IL16: variants seen among roughly 807,000 people sequenced by gnomAD.
IL16 encodes pro-interleukin-16.
A neutral mutation model predicts 110.1 loss-of-function variants in IL16; 67 were observed. The ratio of observed to expected loss-of-function variants is 0.61; its 90% CI spans 0.50 to 0.75. The LOEUF is 0.75. Ranked by LOEUF, IL16 falls within the 30% of genes least tolerant of loss-of-function variation. The pLI, the probability that IL16 is intolerant of heterozygous loss-of-function variation, is 0.00. For missense variants in IL16, 1,545 were observed against 1,655.0 expected (o/e 0.93, Z 1.15); for synonymous variants, 689 against 662.9 (o/e 1.04, Z -0.61).
chr15:81,270,339 C>T (rs918033376), intron 5 of IL16, among the ~76,000 whole-genome samples: 1 of 152,210 alleles, frequency 6.6e-6, no homozygotes, highest in South Asian at 2.1e-4. Flanking sequence ...CCAAGCAACC[C>T]AGGTGCTAAA....
chr15:81,265,885 C>T (rs148220843), intron 4 of IL16, 84 bp downstream of exon 4: 7 of 1,327,780 alleles, frequency 5.3e-6, no homozygotes, highest in Non-Finnish European at 7.2e-6. Flanking sequence ...GCTGAAGAGG[C>T]CTTCCCAGTA....
chr15:81,280,648 T>C (rs1899131832), intron 8 of IL16, among the ~76,000 whole-genome samples: 1 of 152,172 alleles, frequency 6.6e-6, no homozygotes, highest in Non-Finnish European at 1.5e-5. Flanking sequence ...GCTTGAGATA[T>C]ATTGTCGAAG....
intron 1 of IL16, among the ~76,000 whole-genome samples, chr15:81,209,802 C>T (rs546427523): frequency 5.9e-5 from 9 of 152,276 alleles, no homozygotes; most frequent in Non-Finnish European, 1.0e-4. Context: ...TGCACCCAGG[C>T]GTGACTCAGT....
At chr15:81,304,524 C>A (rs1900453229) in intron 16 of IL16, among the ~76,000 whole-genome samples, 1 of 152,214 alleles carries the variant, frequency 6.6e-6, no homozygotes, top group South Asian at 2.1e-4. Context: ...TTGAGCATTT[C>A]TCTTCCTTTC....
At position 81,233,873 on chromosome 15, in the gene IL16, T is replaced by C. The variant is rs558666747; in HGVS notation, c.312+8162T>C. On this transcript the variant is annotated intron_variant, in intron 2 of 18. Transcript: ENST00000683961. ...TCTCAATTATTTGCTGAAAGAAGCATGTTAAAGCCTCTCATTATTATTGTA... is the reference window on the plus strand; with the variant it reads ...TCTCAATTATTTGCTGAAAGAAGCACGTTAAAGCCTCTCATTATTATTGTA... Among the ~76,000 whole-genome samples the C allele has an allele frequency of 3.9e-5, 6 of 152,230 alleles. No individual in the cohort carries two copies. In the South Asian group the frequency reaches 8.3e-4, roughly 21 times the overall value.
intron 10 of IL16, among the ~76,000 whole-genome samples, chr15:81,287,903 G>T (rs1309130461): frequency 1.3e-5 from 2 of 152,216 alleles, no homozygotes; most frequent in Admixed American, 1.3e-4. Context: ...TACAAGAAAA[G>T]AAAGAGGTCC....
chr15:81,295,393 A>C (rs953609522), intron 12 of IL16: 2 of 1,261,240 alleles, frequency 1.6e-6, no homozygotes, highest in African/African-American at 3.1e-5. Flanking sequence ...TGAAAAGACA[A>C]AACACATTTG....
chr15:81,262,679 C>G (rs1190852716), intron 3 of IL16, among the ~76,000 whole-genome samples: 1 of 152,172 alleles, frequency 6.6e-6, no homozygotes, highest in African/African-American at 2.4e-5. Context: ...CGCCTGTAAT[C>G]CCAGCACTTT....
At chr15:81,220,564 A>C (rs1896579340) in intron 1 of IL16, among the ~76,000 whole-genome samples, 1 of 152,194 alleles carries the variant, frequency 6.6e-6, no homozygotes, top group Non-Finnish European at 1.5e-5. Flanking sequence ...AGAGTGACCA[A>C]ACTTTAAAAA....
intron 10 of IL16, among the ~76,000 whole-genome samples, chr15:81,288,050 C>T (rs1395879700): frequency 3.9e-5 from 6 of 152,206 alleles, no homozygotes; most frequent in Non-Finnish European, 8.8e-5. Context: ...GGGACACACA[C>T]AGAGAGGCCA....
rs2141663631 is a variant in IL16 at position 81,311,995 on chromosome 15, G to A, written c.*3197G>A. The A allele has an allele frequency of 6.6e-6, 1 of 152,322 alleles. No homozygotes were observed. Among genetic ancestry groups the A allele is most frequent in the South Asian group, 2.1e-4 (1 of 4,828 alleles). The allele number at this position is 152,322 out of a possible 1,614,324, so 9.4% of individuals were successfully genotyped here. Reference sequence around the variant, plus strand: ...AAATAGGGAAGTAACAGTAACGCAGGGGAAACGTTTTCTGTTTGGAGGAGC... The same window carrying A: ...AAATAGGGAAGTAACAGTAACGCAGAGGAAACGTTTTCTGTTTGGAGGAGC... On this transcript the variant is annotated 3_prime_UTR_variant, in exon 19 of 19. Transcript: ENST00000683961.
exon 1 of IL16, chr15:81,182,776 C>T: frequency 1.2e-6 from 1 of 807,074 alleles, no homozygotes; most frequent in South Asian, 1.4e-5. Flanking sequence ...CGAGAAGCTG[C>T]CATCGATCCT....
At chr15:81,228,903 C>G (rs1011827722) in intron 2 of IL16, among the ~76,000 whole-genome samples, 1 of 152,020 alleles carries the variant, frequency 6.6e-6, no homozygotes, top group African/African-American at 2.4e-5. Context: ...AGTTTTCTCA[C>G]CTGTTAAATG....
chr15:81,297,979 G>C (rs924258859), intron 13 of IL16, among the ~76,000 whole-genome samples: 13 of 152,240 alleles, frequency 8.5e-5, no homozygotes, highest in African/African-American at 2.9e-4. Flanking sequence ...ACCCAGAGCA[G>C]AGGCCCTGTG....
intron 2 of IL16, among the ~76,000 whole-genome samples, chr15:81,236,964 A>C (rs918862716): frequency 2.0e-5 from 3 of 152,212 alleles, no homozygotes; most frequent in African/African-American, 7.2e-5. Context: ...ATCTCAAAAA[A>C]AGAAAGGAAA....
At chr15:81,294,283 T>C (rs1290341513) in intron 12 of IL16, among the ~76,000 whole-genome samples, 1 of 152,238 alleles carries the variant, frequency 6.6e-6, no homozygotes, top group African/African-American at 2.4e-5. Flanking sequence ...CAGATGGATC[T>C]GTTCTCCCAC....
At chr15:81,253,344 A>G (rs1312529570) in intron 2 of IL16, among the ~76,000 whole-genome samples, 1 of 152,140 alleles carries the variant, frequency 6.6e-6, no homozygotes, top group Admixed American at 6.5e-5. Context: ...TTTGAGTGGT[A>G]AGCATCCTTT....
rs749837599 is a variant in IL16 at position 81,306,043 on chromosome 15, C to T, written c.3556C>T (p.Arg1186Ter). Residue 1186 changes from arginine to a stop codon, truncating the protein, a stop_gained, in exon 17 of 19, where the codon CGA (arginine) becomes TGA (stop). Transcript: ENST00000683961. LOFTEE classifies it high-confidence loss of function. ...TGCCTTGGCCATCCTCCGCCAAGCT[C>T]GAGAGCCCAGGCAAGCTGTGATTGT... ...HDALAILRQA[R>*]EPRQAVIVTR... is the part of the protein sequence containing the mutation. 3.1e-6 allele frequency: 5 copies of T among 1,614,196 alleles called. No homozygotes were observed. The highest frequency in any genetic ancestry group is 2.2e-5 in the East Asian group (1 of 44,884).
Position 81,299,870 on chromosome 15 carries a change from C to T in IL16, c.2544C>T (p.Thr848=), listed in dbSNP as rs780020996. 1.2e-6 allele frequency: 2 copies of T among 1,613,704 alleles called. No individual in the cohort carries two copies. The highest frequency in any genetic ancestry group is 1.7e-5 in the Admixed American group (1 of 60,024). Reference sequence around the variant, plus strand: ...GGCAGAGAATCAGCTCCTTTGAAACCTTTGGCTCCTCTCAACTGCCTGACA... The same window carrying T: ...GGCAGAGAATCAGCTCCTTTGAAACTTTTGGCTCCTCTCAACTGCCTGACA... ...SIRQRISSFE[T]FGSSQLPDKG... is the part of the protein sequence containing the mutation. The change falls in exon 14 of 19, where the codon ACC becomes ACT. Residue 848 remains threonine, a synonymous_variant. Transcript: ENST00000683961.
Sources: gnomAD v4.1 joint callset for allele counts (sites outside exome capture counted in the v4.1 genomes callset) on GRCh38, gnomAD v4.1.1 for gene constraint, MANE v1.5 for transcripts, NCBI Gene and HGNC (gene_info 2026-07-23, HGNC 2026-07-21) for gene names.